The following LRP1 variants were observed in gnomAD, a reference collection of about 807,000 sequenced individuals.
LRP1 encodes LDL receptor related protein 1.
Under a neutral mutation model 541.5 loss-of-function variants are expected in LRP1, and 51 were observed. The ratio of observed to expected loss-of-function variants is 0.09; its 90% confidence interval spans 0.08 to 0.12. The LOEUF is 0.12. Among genes scored for constraint, LRP1 ranks in the 10% least tolerant of loss-of-function variants. LRP1 has a pLI of 1.00. For missense variants in LRP1, 3,878 were observed against 6,376.2 expected, an observed-to-expected ratio of 0.61 and a Z score of 13.34; for synonymous variants, 2,219 against 2,470.8, an observed-to-expected ratio of 0.90 and a Z score of 3.02.
At position 57,202,543 on chromosome 12, in the gene LRP1, T is replaced by TGGGGGGC; in HGVS notation, c.10711+6_10711+7insGGGGGGC. On this transcript the variant is annotated splice_region_variant and intron_variant, in intron 68 of 88. Transcript: ENST00000243077. ...CTCCGATGAAGAGAGCTGCAGTACGTCCCCACCCACCCAGCCCCGCATGAG... is the reference window on the plus strand; with the variant it reads ...CTCCGATGAAGAGAGCTGCAGTACGTGGGGGGCCCCCACCCACCCAGCCCCGCATGAG... The TGGGGGGC allele has an allele frequency of 1.2e-5, 18 of 1,523,518 alleles. No individual in the cohort carries two copies. Among genetic ancestry groups the TGGGGGGC allele is most frequent in the Non-Finnish European group, 1.5e-5 (17 of 1,124,706 alleles). The allele number at this position is 1,523,518 out of a possible 1,614,324, so 94.4% of individuals were successfully genotyped here.
Position 57,175,470 on chromosome 12 carries a change from T to C in LRP1, c.3558T>C (p.Ser1186=). 1 of 1,613,438 alleles carries C rather than the reference T, an allele frequency of 6.2e-7. No individual in the cohort carries two copies. Among genetic ancestry groups the C allele is most frequent in the Non-Finnish European group, 8.5e-7 (1 of 1,179,992 alleles). ...CTGCCCCTCCCCTAGACCAGTGCTC[T>C]CTGAATAACGGTGGCTGCAGCCACA... is the stretch of plus-strand genomic sequence containing the variant. ...SDEGELCDQC[S]LNNGGCSHNC... Residue 1186 remains serine (S), a synonymous_variant, in exon 23 of 89, where the codon TCT becomes TCC. Coordinates refer to ENST00000243077, the MANE Select transcript of LRP1 (RefSeq NM_002332.3).
chr12:57,158,491 C>T lies in LRP1; in HGVS notation c.1651C>T (p.His551Tyr), dbSNP rs755060366. 6.2e-7 allele frequency: 1 copy of T among 1,614,188 alleles called. No homozygotes were observed. The highest frequency in any genetic ancestry group is 1.1e-5 in the South Asian group (1 of 91,080). ...TATGGGGGCCAAGGTCCCGGATGAG[C>T]ACATGATCCCCATTGAAAACCTCAT... ...MDMGAKVPDE[H>Y]MIPIENLMNP... The change falls in exon 11 of 89, where the codon CAC (histidine) becomes TAC (tyrosine). Residue 551 changes from histidine (H) to tyrosine (Y), a missense_variant. His to Tyr is a moderately conservative substitution (Grantham distance 83). Transcript: ENST00000243077. The surrounding 1 kb of genome is among the most constrained non-coding windows in gnomAD (Gnocchi z 5.3).
intron 42 of LRP1, among the ~76,000 whole-genome samples, chr12:57,188,465 G>C (rs1430400641): frequency 6.6e-6 from 1 of 152,110 alleles, no homozygotes; most frequent in Non-Finnish European, 1.5e-5. Context: ...AGGACCCTCT[G>C]TTTCCTCCTG....
intron 22 of LRP1, 104 bp downstream of exon 22, chr12:57,174,084 A>G: frequency 8.1e-7 from 1 of 1,231,066 alleles, no homozygotes; most frequent in Non-Finnish European, 1.1e-6. Flanking sequence ...CAGCTCTGGC[A>G]GCCGGGCAGG....
intron 22 of LRP1, 103 bp from the exon 23 acceptor site, chr12:57,175,357 G>C: frequency 7.2e-7 from 1 of 1,386,608 alleles, no homozygotes; most frequent in South Asian, 1.2e-5. Context: ...AGGGCACAAG[G>C]ACTTGGTCCA....
rs753260420 is a variant in LRP1, at chr12:57,145,204, ACTCTT to A, written c.578-16_578-12del. 1.6e-5 allele frequency: 26 copies of A among 1,613,008 alleles called. No homozygotes were observed. The highest frequency in any genetic ancestry group is 2.0e-5 in the Non-Finnish European group (24 of 1,179,662). On this transcript the variant is annotated intron_variant, in intron 5 of 88. Transcript: ENST00000243077. ...TGGTCCTAGAGCCCTGGCTGCACGG[ACTCTT>A]CTCTTCCCCATTCCCAGAGCCAGTA...
Position 57,179,522 on chromosome 12 carries a change from C to T in LRP1, c.4932C>T (p.Ile1644=). Residue 1644 remains isoleucine, a synonymous_variant, in exon 29 of 89, where the codon ATC becomes ATT. Coordinates refer to ENST00000243077, the MANE Select transcript of LRP1 (RefSeq NM_002332.3). The surrounding 1 kb of genome is among the most constrained non-coding windows in gnomAD (Gnocchi z 6.8). ...CACAGGCCATCAAGCGGGCCTTCAT[C>T]AACGGCACAGGCGTGGAGACAGTCG... is the stretch of plus-strand genomic sequence containing the variant. ...VRTQAIKRAF[I]NGTGVETVVS... 1 of 1,614,184 alleles carries T rather than the reference C, an allele frequency of 6.2e-7. No individual in the cohort carries two copies. Among genetic ancestry groups the T allele is most frequent in the East Asian group, 2.2e-5 (1 of 44,884 alleles).
chr12:57,196,410 T>G, intron 55 of LRP1, 133 bp downstream of exon 55: 1 of 934,194 alleles, frequency 1.1e-6, no homozygotes, highest in African/African-American at 1.7e-5. Flanking sequence ...TCTGCTTGGT[T>G]GGGGTCTGCC....
intron 43 of LRP1, 115 bp from the exon 44 acceptor site, chr12:57,191,205 T>C (rs2036371516): frequency 3.4e-6 from 4 of 1,166,624 alleles, no homozygotes; most frequent in Non-Finnish European, 4.9e-6. Flanking sequence ...GATAGCAGGA[T>C]GCCTCTGCGG....
chr12:57,176,950 G>C, intron 24 of LRP1, 91 bp from the exon 25 acceptor site: 1 of 1,077,994 alleles, frequency 9.3e-7, no homozygotes, highest in Admixed American at 1.7e-5. Flanking sequence ...TGCCAGGGTT[G>C]AGGGTGGGTC....
chr12:57,136,402 C>CG (rs879575173), intron 1 of LRP1, among the ~76,000 whole-genome samples: 1 of 146,592 alleles, frequency 6.8e-6, no homozygotes, highest in Non-Finnish European at 1.5e-5. Context: ...AGAGCCCCCC[C>CG]CCCCCGCCAT....
chr12:57,173,907 C>A lies in LRP1; in HGVS notation c.3474C>A (p.Val1158=), dbSNP rs1351004057. The A allele has an allele frequency of 6.2e-7, 1 of 1,614,128 alleles. No individual in the cohort carries two copies. Among genetic ancestry groups the A allele is most frequent in the East Asian group, 2.2e-5 (1 of 44,884 alleles). Residue 1158 remains valine (V), a synonymous_variant, in exon 22 of 89, where the codon GTC becomes GTA. Transcript: ENST00000243077. This position sits in a 1 kb window ranked among gnomAD's most constrained non-coding sequence, Gnocchi z 4.7. ...ACCCTTGTGCCAACAACACCTCAGT[C>A]TGCCTGCCCCCTGACAAGCTGTGTG... The part of the protein sequence containing the change: ...PSHPCANNTS[V]CLPPDKLCDG...
intron 6 of LRP1, among the ~76,000 whole-genome samples, chr12:57,153,855 A>G (rs528468737): frequency 6.6e-6 from 1 of 152,312 alleles, no homozygotes; most frequent in East Asian, 1.9e-4. Context: ...AGTGAAAAGC[A>G]AAGATGTGTA....
intron 43 of LRP1, 60 bp from the exon 44 acceptor site, chr12:57,191,260 G>T: frequency 6.7e-7 from 1 of 1,490,824 alleles, no homozygotes; most frequent in Non-Finnish European, 9.1e-7. Context: ...GCTGTGGTCC[G>T]GTGGAGACTG....
intron 1 of LRP1, among the ~76,000 whole-genome samples, chr12:57,129,822 G>T (rs139013864): frequency 1.3e-5 from 2 of 152,132 alleles, no homozygotes; most frequent in African/African-American, 2.4e-5. Context: ...GGTGGGGGAG[G>T]CTGCCTTCTT....
chr12:57,201,491 C>A lies in LRP1; in HGVS notation c.10346-6C>A. The A allele has an allele frequency of 6.2e-7, 1 of 1,607,880 alleles. No individual in the cohort carries two copies. The highest frequency in any genetic ancestry group is 1.1e-5 in the South Asian group (1 of 90,380). The stretch of plus-strand genomic sequence containing the variant: ...GAGGGCCCTCATTCTCTTGCCCACC[C>A]CACAGCCGAGGTGACCTGCGCCCCC... On this transcript the variant is annotated splice_polypyrimidine_tract_variant and splice_region_variant and intron_variant, in intron 65 of 88. Coordinates refer to ENST00000243077, the MANE Select transcript of LRP1 (RefSeq NM_002332.3). This position sits in a 1 kb window ranked among gnomAD's most constrained non-coding sequence, Gnocchi z 6.4.
chr12:57,133,943 C>T (rs2035096318), intron 1 of LRP1, among the ~76,000 whole-genome samples: 1 of 152,114 alleles, frequency 6.6e-6, no homozygotes, highest in African/African-American at 2.4e-5. Flanking sequence ...CTGTCACCCT[C>T]TCTGGCCAGG....
chr12:57,175,390 A>G, intron 22 of LRP1, 70 bp from the exon 23 acceptor site: 1 of 1,590,484 alleles, frequency 6.3e-7, no homozygotes, highest in Non-Finnish European at 8.5e-7. Flanking sequence ...CTTGGGGCCC[A>G]GCAGGGCCGT....
rs1489790183 is a variant in LRP1, at chr12:57,190,873, A to G, written c.7100A>G (p.Asn2367Ser). The G allele has an allele frequency of 3.7e-6, 6 of 1,613,954 alleles. No individual in the cohort carries two copies. Among genetic ancestry groups the G allele is most frequent in the South Asian group, 2.2e-5 (2 of 91,078 alleles). The change falls in exon 43 of 89, where the codon AAT becomes AGT. Residue 2367 changes from asparagine to serine, a missense_variant. Physicochemically the swap from Asn to Ser is conservative, Grantham distance 46. Around this residue, in one of 13 missense-constraint regions of LRP1, gnomAD observed 1,100 missense variants for 1,827.4 expected, o/e 0.60. Coordinates refer to ENST00000243077, the MANE Select transcript of LRP1 (RefSeq NM_002332.3). ...ATGCGGGCGGCGCTCTCGGGAGCCA[A>G]TGTCCTGACCCTTATCGAGAAGGAC... ...SIMRAALSGA[N>S]VLTLIEKDIR...
Sources: gnomAD v4.1 joint callset for allele counts (sites outside exome capture counted in the v4.1 genomes callset) on GRCh38, gnomAD v4.1.1 for gene constraint, gnomAD v4.1.1 regional missense constraint, Gnocchi (gnomAD v3.1) non-coding constraint, MANE v1.5 for transcripts, NCBI Gene and HGNC (gene_info 2026-07-23, HGNC 2026-07-21) for gene names.